Variants in PHACTR2 observed in about 807,000 individuals in gnomAD.
The protein encoded by PHACTR2 is chromosome 6 open reading frame 56.
PHACTR2 carries 30 observed loss-of-function variants against 76.0 expected under a neutral mutation model. The observed-to-expected ratio is 0.39, with a 90% CI of 0.30 to 0.54. The LOEUF (loss-of-function observed/expected upper bound fraction) is 0.54. PHACTR2 is among the 20% of genes least tolerant of loss of function. The probability of loss-of-function intolerance (pLI) is 0.61; values close to 1 mark genes in which losing one functional copy is unlikely to be tolerated. For synonymous variants in PHACTR2, 292 were observed against 292.5 expected (o/e 1.00, Z 0.02); for missense variants, 696 against 781.1 (o/e 0.89, Z 1.30).
rs1463687824 is a variant in PHACTR2 at position 143,549,686 on chromosome 6, G to A, written c.217+12479G>A. Among the ~76,000 whole-genome samples the A allele has an allele frequency of 6.6e-6, 1 of 151,948 alleles. No individual in the cohort carries two copies. Among genetic ancestry groups the A allele is most frequent in the Admixed American group, 6.6e-5 (1 of 15,254 alleles). On this transcript the variant is annotated intron_variant, in intron 1 of 11. Transcript: ENST00000367584. This position sits in a 1 kb window ranked among gnomAD's most constrained non-coding sequence, Gnocchi z 4.2. The stretch of plus-strand genomic sequence containing the variant: ...TGTCCCTGTTCCACCTCCCCTTCCT[G>A]AGCTGCCTGGCTGCCACTCCTCCCT...
In PHACTR2 at chr6:143,765,513, T is replaced by C; in HGVS notation, c.947T>C (p.Leu316Pro). 1 of 1,614,170 alleles carries C rather than the reference T, an allele frequency of 6.2e-7. No individual in the cohort carries two copies. Among genetic ancestry groups the C allele is most frequent in the Middle Eastern group, 1.6e-4 (1 of 6,062 alleles). Residue 316 changes from leucine to proline, a missense_variant, in exon 6 of 13, where the codon CTC (leucine) becomes CCC (proline). Transcript: ENST00000440869. The surrounding 1 kb of genome is among the most constrained non-coding windows in gnomAD (Gnocchi z 4.1). ...PAETRVESFK[L>P]EQTVPGAEEQ... The stretch of plus-strand genomic sequence containing the variant: ...GAGACCAGAGTGGAGAGTTTCAAAC[T>C]CGAACAGACTGTCCCTGGAGCTGAG...
At chr6:143,796,379 TTTTCTTTCTTTC>T (rs147314577) in intron 11 of PHACTR2, among the ~76,000 whole-genome samples, 3,211 of 148,814 alleles carry the variant, frequency 0.022, 117 homozygotes, top group African/African-American at 0.074. Flanking sequence ...TTTCTTTTTC[TTTTCTTTCTTTC>T]TTTCTTTCTT....
At chr6:143,576,184 G>A (rs530371968) in intron 1 of PHACTR2, among the ~76,000 whole-genome samples, 6 of 152,308 alleles carry the variant, frequency 3.9e-5, no homozygotes, top group South Asian at 2.1e-4. Context: ...TAGAATTTGC[G>A]ATCCAAGCCT....
In PHACTR2 at chr6:143,597,282, T is replaced by C. The variant is rs535488754; in HGVS notation, c.217+60075T>C. On this transcript the variant is annotated intron_variant, in intron 1 of 11. Transcript: ENST00000367584. This position sits in a 1 kb window ranked among gnomAD's most constrained non-coding sequence, Gnocchi z 5.7. Reference sequence around the variant, plus strand: ...TCCCTCCCTTGAAGGAATATTGAGGTGGTCTAGGGTATCTCAGTGGTTTTG... The same window carrying C: ...TCCCTCCCTTGAAGGAATATTGAGGCGGTCTAGGGTATCTCAGTGGTTTTG... Among the ~76,000 whole-genome samples the C allele has an allele frequency of 4.6e-5, 7 of 152,170 alleles. No homozygotes were observed. The highest frequency in any genetic ancestry group is 1.9e-4 in the East Asian group (1 of 5,190).
intron 1 of PHACTR2, among the ~76,000 whole-genome samples, chr6:143,569,348 A>G (rs1476216956): frequency 2.0e-5 from 3 of 152,240 alleles, no homozygotes; most frequent in Non-Finnish European, 4.4e-5. Flanking sequence ...CTGAGTCACC[A>G]TGGCAACAGT....
chr6:143,682,443 G>A (rs994666179), intron 1 of PHACTR2, among the ~76,000 whole-genome samples: 1 of 152,076 alleles, frequency 6.6e-6, no homozygotes, highest in Non-Finnish European at 1.5e-5. Context: ...TCAAATTCGA[G>A]ATCTCAAGAG....
At chr6:143,810,450 C>G in intron 12 of PHACTR2, 1 of 332,346 alleles carries the variant, frequency 3.0e-6, no homozygotes, top group Admixed American at 3.1e-5. Context: ...CTACTCACTA[C>G]TCATGTGGTC....
At position 143,787,204 on chromosome 6, in the gene PHACTR2, C is replaced by G. The variant is rs1775576114; in HGVS notation, c.1708-1569C>G. The stretch of plus-strand genomic sequence containing the variant: ...GCAGGTCAGCCCGTAGCACTGGTAG[C>G]TACCCCATGACTGGGACAGTCCTGA... On this transcript the variant is annotated intron_variant, in intron 10 of 12. Coordinates refer to ENST00000440869, the MANE Select transcript of PHACTR2 (RefSeq NM_001100164.2). This position sits in a 1 kb window ranked among gnomAD's most constrained non-coding sequence, Gnocchi z 4.6. 6.6e-6 allele frequency among the ~76,000 whole-genome samples: 1 copy of G among 152,232 alleles called. No individual in the cohort carries two copies. Among genetic ancestry groups the G allele is most frequent in the Non-Finnish European group, 1.5e-5 (1 of 68,042 alleles).
At chr6:143,691,193 C>T (rs376012574) in intron 1 of PHACTR2, among the ~76,000 whole-genome samples, 2 of 151,998 alleles carry the variant, frequency 1.3e-5, no homozygotes, top group African/African-American at 2.4e-5. Flanking sequence ...TGGTCCTCAA[C>T]TTATGATGGG....
chr6:143,703,419 CTG>C (rs1309450661), intron 1 of PHACTR2, among the ~76,000 whole-genome samples: 1 of 152,098 alleles, frequency 6.6e-6, no homozygotes, highest in Non-Finnish European at 1.5e-5. Flanking sequence ...GTGGGAACAA[CTG>C]ATCTTATCCC....
At chr6:143,704,707 C>CA in intron 1 of PHACTR2, among the ~76,000 whole-genome samples, 1 of 152,064 alleles carries the variant, frequency 6.6e-6, no homozygotes, top group East Asian at 1.9e-4. Context: ...CTAATGTCGT[C>CA]TTTTTTTTGT....
In PHACTR2 at chr6:143,831,005, T is replaced by C. The variant is rs1776656871; in HGVS notation, c.*7316T>C. On this transcript the variant is annotated 3_prime_UTR_variant, in exon 13 of 13. Transcript: ENST00000440869. This position sits in a 1 kb window ranked among gnomAD's most constrained non-coding sequence, Gnocchi z 5.2. The stretch of plus-strand genomic sequence containing the variant: ...CATGTAAGGCCTGGTACTTTTTATT[T>C]AAAATGTCTGTCTAAAGAATTACTG... 1 of 152,252 alleles carries C rather than the reference T, an allele frequency of 6.6e-6. No homozygotes were observed. The highest frequency in any genetic ancestry group is 2.4e-5 in the African/African-American group (1 of 41,462). 9.4% of individuals were successfully genotyped at this position (152,252 alleles called of 1,614,324 possible).
At chr6:143,540,433 A>C (rs1781162687) in intron 1 of PHACTR2, among the ~76,000 whole-genome samples, 1 of 152,184 alleles carries the variant, frequency 6.6e-6, no homozygotes, top group South Asian at 2.1e-4. Flanking sequence ...TCTTTCCAGG[A>C]AAGAATAATA....
rs66800720 is a variant in PHACTR2 at position 143,618,256 on chromosome 6, A to AACACACACACACACAC, written c.13+9949_13+9964dup. Among the ~76,000 whole-genome samples the AACACACACACACACAC allele has an allele frequency of 7.0e-4, 102 of 145,296 alleles. No homozygotes were observed. The highest frequency in any genetic ancestry group is 2.4e-3 in the African/African-American group (95 of 38,902). Reference sequence around the variant, plus strand: ...GTTCCACCTTGTACTTCCTGCTCCAAACACACACACACACACACACACACA... The same window carrying AACACACACACACACAC: ...GTTCCACCTTGTACTTCCTGCTCCAAACACACACACACACACACACACACACACACACACACACACA... On this transcript the variant is annotated intron_variant, in intron 1 of 11. Transcript: ENST00000305766. This position sits in a 1 kb window ranked among gnomAD's most constrained non-coding sequence, Gnocchi z 5.2.
chr6:143,575,900 T>C (rs1290854036), intron 1 of PHACTR2, among the ~76,000 whole-genome samples: 9 of 152,292 alleles, frequency 5.9e-5, no homozygotes, highest in Non-Finnish European at 1.2e-4. Context: ...AAAAAGTCTA[T>C]GTTCCAGTTC....
chr6:143,620,290 CT>C (rs2128439773), intron 1 of PHACTR2, among the ~76,000 whole-genome samples: 1 of 152,220 alleles, frequency 6.6e-6, no homozygotes, highest in South Asian at 2.1e-4. Flanking sequence ...TGGGCTTTGT[CT>C]TTAGCTGTCT....
intron 1 of PHACTR2, among the ~76,000 whole-genome samples, chr6:143,686,984 C>T (rs1418422098): frequency 1.3e-5 from 2 of 152,046 alleles, no homozygotes; most frequent in Non-Finnish European, 2.9e-5. Flanking sequence ...TTTTCAGCTA[C>T]TTTTTTTTCC....
Position 143,537,027 on chromosome 6 carries a change from G to A in PHACTR2, c.37G>A (p.Val13Ile), listed in dbSNP as rs1477159833. ...GGGCTGGCGCCCCGCGGCGTCCCCG[G>A]TCGATCCGGCCGGGCAGGCGGCGGC... Residue 13 changes from valine (V) to isoleucine (I), a missense_variant, in exon 1 of 12, where the codon GTC becomes ATC. Val to Ile is a conservative substitution (Grantham distance 29, BLOSUM62 3). Transcript: ENST00000367584. This position sits in a 1 kb window ranked among gnomAD's most constrained non-coding sequence, Gnocchi z 4.4. 9.8e-5 allele frequency: 17 copies of A among 172,648 alleles called. No individual in the cohort carries two copies. The East Asian group carries it at 2.5e-3, about 25-fold the overall frequency. 10.7% of individuals were successfully genotyped at this position (172,648 alleles called of 1,614,324 possible).
intron 2 of PHACTR2, among the ~76,000 whole-genome samples, chr6:143,724,942 GGCATA>G (rs1778527419): frequency 6.6e-6 from 1 of 152,138 alleles, no homozygotes; most frequent in East Asian, 1.9e-4. Flanking sequence ...GCTGTGGTGT[GGCATA>G]TGCTGGAGGC....
Sources: gnomAD v4.1 joint callset for allele counts (sites outside exome capture counted in the v4.1 genomes callset) on GRCh38, gnomAD v4.1.1 for gene constraint, Gnocchi (gnomAD v3.1) non-coding constraint, MANE v1.5 for transcripts, NCBI Gene and HGNC (gene_info 2026-07-23, HGNC 2026-07-21) for gene names.